PMFBP1: variants seen among roughly 807,000 people sequenced by gnomAD.
The protein encoded by PMFBP1 is polyamine modulated factor 1 binding protein 1.
A neutral mutation model predicts 137.8 loss-of-function variants in PMFBP1; 131 were observed. The observed-to-expected ratio is 0.95, with a 90% CI of 0.82 to 1.10. The LOEUF is 1.10. Ranked by LOEUF, PMFBP1 falls within the 50% of genes least tolerant of loss-of-function variation. The pLI is 0.00. For synonymous variants in PMFBP1, 490 were observed against 450.4 expected, an observed-to-expected ratio of 1.09 and a Z score of -1.11; for missense variants, 1,199 against 1,175.4, an observed-to-expected ratio of 1.02 and a Z score of -0.29.
chr16:72,205,324 C>A, the PMFBP1 span, among the ~76,000 whole-genome samples: 1 of 152,248 alleles, frequency 6.6e-6, no homozygotes, highest in Non-Finnish European at 1.5e-5. Context: ...GGCGGTTGGC[C>A]TTGTGTTGAG....
chr16:72,166,197 G>A (rs1177339950), intron 2 of PMFBP1, among the ~76,000 whole-genome samples: 1 of 152,108 alleles, frequency 6.6e-6, no homozygotes, highest in African/African-American at 2.4e-5. Context: ...CCCATGTGTT[G>A]AGGGAGGGAC....
At chr16:72,237,953 C>T in the PMFBP1 span, among the ~76,000 whole-genome samples, 1 of 152,198 alleles carries the variant, frequency 6.6e-6, no homozygotes, top group East Asian at 1.9e-4. Context: ...TAGCTCCATC[C>T]ATGCTCCTGC....
At chr16:72,155,180 G>T (rs561557080) in intron 3 of PMFBP1, among the ~76,000 whole-genome samples, 3 of 152,188 alleles carry the variant, frequency 2.0e-5, no homozygotes, top group African/African-American at 7.2e-5. Context: ...GTATTCTGCT[G>T]GTAGGACACA....
the PMFBP1 span, among the ~76,000 whole-genome samples, chr16:72,235,908 T>G: frequency 1.3e-5 from 2 of 152,142 alleles, no homozygotes; most frequent in Non-Finnish European, 2.9e-5. Context: ...GCTTAAGATT[T>G]TCTACATTCA....
the PMFBP1 span, among the ~76,000 whole-genome samples, chr16:72,216,120 T>A: frequency 1.3e-5 from 2 of 152,154 alleles, no homozygotes; most frequent in Non-Finnish European, 2.9e-5. Flanking sequence ...CATGTGGGCC[T>A]CCTTGCTCTT....
chr16:72,194,350 T>C, the PMFBP1 span, among the ~76,000 whole-genome samples: 1 of 152,198 alleles, frequency 6.6e-6, no homozygotes, highest in Admixed American at 6.5e-5. Flanking sequence ...TTCTTTTTTT[T>C]TGGCTCTTCC....
chr16:72,175,832 T>A (rs1316755149), upstream of PMFBP1, among the ~76,000 whole-genome samples: 9 of 152,160 alleles, frequency 5.9e-5, no homozygotes, highest in Admixed American at 4.6e-4. Context: ...GAGAGGGAGC[T>A]AAAGGTTTTC....
chr16:72,216,641 G>A, the PMFBP1 span, among the ~76,000 whole-genome samples: 1 of 152,188 alleles, frequency 6.6e-6, no homozygotes, highest in African/African-American at 2.4e-5. Context: ...AGAATTAGCA[G>A]GTTTGTAAAC....
chr16:72,140,866 T>C (rs1275298650), intron 5 of PMFBP1, among the ~76,000 whole-genome samples: 2 of 151,076 alleles, frequency 1.3e-5, no homozygotes, highest in Non-Finnish European at 3.0e-5. Context: ...TTTTTGGATA[T>C]CATTCAGGAA....
At chr16:72,173,402 G>T (rs1023944490), upstream of PMFBP1, among the ~76,000 whole-genome samples, 1 of 152,210 alleles carries the variant, frequency 6.6e-6, no homozygotes, top group African/African-American at 2.4e-5. Context: ...ACAGAGAAAT[G>T]ATTTTCTAGA....
chr16:72,117,931 A>G (rs1210278271), downstream of PMFBP1, among the ~76,000 whole-genome samples: 2 of 152,104 alleles, frequency 1.3e-5, no homozygotes, highest in Admixed American at 1.3e-4. Flanking sequence ...TCACAGTCGG[A>G]TGGCTGGGTA....
At chr16:72,152,575 T>G (rs983167327) in intron 4 of PMFBP1, among the ~76,000 whole-genome samples, 6 of 152,016 alleles carry the variant, frequency 3.9e-5, no homozygotes, top group African/African-American at 1.5e-4. Flanking sequence ...CCTGGTATGG[T>G]GACTCATGCC....
the PMFBP1 span, among the ~76,000 whole-genome samples, chr16:72,183,327 G>A: frequency 6.6e-6 from 1 of 152,194 alleles, no homozygotes. Context: ...TGGCTCCAGA[G>A]GCTGGGAGTC....
the PMFBP1 span, among the ~76,000 whole-genome samples, chr16:72,206,433 T>C: frequency 2.5e-4 from 38 of 152,158 alleles, no homozygotes; most frequent in African/African-American, 7.0e-4. Context: ...GGAGGGCAGC[T>C]CCACAGATAA....
Position 72,139,402 on chromosome 16 carries a change from G to A in PMFBP1, c.808-3C>T, listed in dbSNP as rs762522495. 8.7e-6 allele frequency: 14 copies of A among 1,608,498 alleles called. No homozygotes were observed. Among genetic ancestry groups the A allele is most frequent in the Admixed American group, 1.7e-5 (1 of 59,914 alleles). ...AAAGCCTTTTCACGCTCCAGAACCT[G>A]CAAATAAGCTTAGATCAGTTATGCT... is the stretch of plus-strand genomic sequence containing the variant. On this transcript the variant is annotated splice_region_variant and splice_polypyrimidine_tract_variant and intron_variant, in intron 6 of 20. Coordinates refer to ENST00000237353, the MANE Select transcript of PMFBP1 (RefSeq NM_031293.3).
intron 4 of PMFBP1, among the ~76,000 whole-genome samples, chr16:72,152,851 A>C (rs1261021138): frequency 6.6e-6 from 1 of 150,922 alleles, no homozygotes; most frequent in Non-Finnish European, 1.5e-5. Context: ...TCTCAAAAAA[A>C]AAAAAAAAAA....
In PMFBP1 at chr16:72,120,008, G is replaced by A. The variant is rs761648697; in HGVS notation, c.2850C>T (p.Ala950=). The A allele has an allele frequency of 4.3e-6, 7 of 1,614,056 alleles. No homozygotes were observed. Among genetic ancestry groups the A allele is most frequent in the South Asian group, 2.2e-5 (2 of 91,052 alleles). The change falls in exon 20 of 21, where the codon GCC becomes GCT. Residue 950 remains alanine (A), a synonymous_variant. Transcript: ENST00000237353. ...CTTTGGTGCATAGCCTTGTGTTCTC[G>A]GCTTTCATCTTCTTCTCTTCTATCT... is the stretch of plus-strand genomic sequence containing the variant. ...KKEIEEKKMK[A]ENTRLCTKAL...
the PMFBP1 span, among the ~76,000 whole-genome samples, chr16:72,192,000 T>TG: frequency 6.6e-6 from 1 of 152,232 alleles, no homozygotes; most frequent in Admixed American, 6.5e-5. Flanking sequence ...AATGATCAAA[T>TG]GCGTGTGTGT....
At chr16:72,180,857 G>A (rs936328350), upstream of PMFBP1, among the ~76,000 whole-genome samples, 4 of 152,172 alleles carry the variant, frequency 2.6e-5, no homozygotes, top group African/African-American at 9.7e-5. Flanking sequence ...GTAACCAGGA[G>A]CCTTCAAAGG....
Sources: allele counts gnomAD v4.1 joint callset (sites outside exome capture counted in the v4.1 genomes callset), GRCh38; gene constraint gnomAD v4.1.1; transcripts MANE v1.5; gene names NCBI Gene and HGNC (gene_info 2026-07-23, HGNC 2026-07-21).